Variants in PARD3 observed in about 807,000 individuals in gnomAD.
The protein encoded by PARD3 is par-3 family cell polarity regulator, also known as partitioning defective 3 homolog.
Under a neutral mutation model 155.4 loss-of-function variants are expected in PARD3, and 75 were observed. The observed-to-expected ratio is 0.48, with a 90% CI of 0.40 to 0.58. The LOEUF (loss-of-function observed/expected upper bound fraction) is 0.58, where lower values mean the gene tolerates loss of function less well. Ranked by LOEUF, PARD3 falls within the 20% of genes least tolerant of loss-of-function variation. The pLI, the probability that PARD3 is intolerant of heterozygous loss-of-function variation, is 0.00. For missense variants in PARD3, 1,642 were observed against 1,721.7 expected (o/e 0.95, Z 0.82); for synonymous variants, 576 against 610.5 (o/e 0.94, Z 0.83).
chr10:34,466,352 A>G (rs974942344), intron 4 of PARD3, among the ~76,000 whole-genome samples: 1 of 152,184 alleles, frequency 6.6e-6, no homozygotes, highest in African/African-American at 2.4e-5. Context: ...TATTTCAACA[A>G]GGAAGACTCC....
At chr10:34,525,724 G>GA (rs536628916) in intron 2 of PARD3, among the ~76,000 whole-genome samples, 149 of 147,250 alleles carry the variant, frequency 1.0e-3, no homozygotes, top group African/African-American at 2.6e-3. Flanking sequence ...TTGCTTAAAA[G>GA]AAAAAAAAAA....
chr10:34,359,723 G>A (rs1839254215), intron 13 of PARD3, among the ~76,000 whole-genome samples: 1 of 152,162 alleles, frequency 6.6e-6, no homozygotes, highest in Non-Finnish European at 1.5e-5. Context: ...TCTCTAGGCT[G>A]AGAAATAGAG....
At chr10:34,690,776 T>C (rs1475516933) in intron 2 of PARD3, among the ~76,000 whole-genome samples, 1 of 152,030 alleles carries the variant, frequency 6.6e-6, no homozygotes, top group Non-Finnish European at 1.5e-5. Flanking sequence ...AAAGGAAACG[T>C]GGTGGAGAAA....
chr10:34,255,102 T>C (rs748728025), intron 22 of PARD3, among the ~76,000 whole-genome samples: 1 of 152,138 alleles, frequency 6.6e-6, no homozygotes, highest in Non-Finnish European at 1.5e-5. Flanking sequence ...CAAATTCTGT[T>C]GCAACCAAAT....
chr10:34,250,606 G>A (rs1954249183), intron 22 of PARD3, among the ~76,000 whole-genome samples: 1 of 150,346 alleles, frequency 6.7e-6, no homozygotes, highest in African/African-American at 2.5e-5. Flanking sequence ...GACATACTCA[G>A]TAATAAAAGA....
intron 2 of PARD3, among the ~76,000 whole-genome samples, chr10:34,569,057 A>G (rs2086179676): frequency 6.6e-6 from 1 of 152,230 alleles, no homozygotes; most frequent in Non-Finnish European, 1.5e-5. Context: ...ATGCCAGATG[A>G]ACTGTATTTT....
chr10:34,799,970 T>G (rs1481858032), intron 1 of PARD3, among the ~76,000 whole-genome samples: 3 of 151,300 alleles, frequency 2.0e-5, no homozygotes, highest in Non-Finnish European at 4.4e-5. Context: ...TCTACAAACA[T>G]AAAAATAAAT....
intron 1 of PARD3, among the ~76,000 whole-genome samples, chr10:34,716,591 T>C (rs1445752328): frequency 3.6e-5 from 5 of 139,392 alleles, no homozygotes; most frequent in East Asian, 2.1e-4. Flanking sequence ...TTTTCTTTTT[T>C]TTTTTTTTTT....
intron 21 of PARD3, among the ~76,000 whole-genome samples, chr10:34,280,338 G>T (rs899654622): frequency 6.6e-6 from 1 of 151,802 alleles, no homozygotes; most frequent in African/African-American, 2.4e-5. Flanking sequence ...TACTTTATAG[G>T]AAAAAAAATG....
At chr10:34,514,349 T>A (rs2081577271) in intron 3 of PARD3, among the ~76,000 whole-genome samples, 1 of 152,218 alleles carries the variant, frequency 6.6e-6, no homozygotes, top group Non-Finnish European at 1.5e-5. Context: ...TACTACTAAC[T>A]ATAGCTCCTT....
chr10:34,451,915 A>G (rs1406221544), intron 4 of PARD3, among the ~76,000 whole-genome samples: 1 of 152,118 alleles, frequency 6.6e-6, no homozygotes, highest in Admixed American at 6.5e-5. Context: ...AAAAAAGGAA[A>G]GGAAATACCG....
chr10:34,666,781 A>ATC (rs1564481329), intron 2 of PARD3, among the ~76,000 whole-genome samples: 32 of 87,348 alleles, frequency 3.7e-4, no homozygotes, highest in African/African-American at 1.9e-3. Context: ...TCCCCCTAAA[A>ATC]AAAAAAAAAA....
chr10:34,154,730 C>T (rs1948926212), intron 22 of PARD3, among the ~76,000 whole-genome samples: 1 of 152,212 alleles, frequency 6.6e-6, no homozygotes, highest in East Asian at 1.9e-4. Flanking sequence ...TGCATCCATC[C>T]CTTCCCCTCC....
intron 3 of PARD3, among the ~76,000 whole-genome samples, chr10:34,479,412 C>T (rs1050162988): frequency 2.0e-5 from 3 of 152,048 alleles, no homozygotes; most frequent in Non-Finnish European, 2.9e-5. Context: ...CCGCCCACCT[C>T]GGCCTCCCAA....
intron 1 of PARD3, among the ~76,000 whole-genome samples, chr10:34,724,717 G>A (rs2133761682): frequency 6.6e-6 from 1 of 152,306 alleles, no homozygotes; most frequent in African/African-American, 2.4e-5. Context: ...CAAAGGCAGG[G>A]GTGTAGAGGT....
At position 34,351,049 on chromosome 10, in the gene PARD3, C is replaced by G. The variant is rs181721447; in HGVS notation, c.2068-2934G>C. ...ATAATGAAAATTCATGTGAATTTAT[C>G]TGTGGGGTTTAATAAAATCTCCGTT... On this transcript the variant is annotated intron_variant, in intron 14 of 24. Coordinates refer to ENST00000374788, the MANE Select transcript of PARD3 (RefSeq NM_001184785.2). Among the ~76,000 whole-genome samples the G allele has an allele frequency of 3.3e-5, 5 of 152,302 alleles. No individual in the cohort carries two copies. In the East Asian group the frequency reaches 7.7e-4, roughly 23 times the overall value.
intron 20 of PARD3, among the ~76,000 whole-genome samples, chr10:34,287,844 C>T (rs147298185): frequency 1.9e-4 from 29 of 152,298 alleles, no homozygotes; most frequent in African/African-American, 6.3e-4. Flanking sequence ...TCCTAGACCA[C>T]CCCCTAATCA....
chr10:34,135,009 C>A (rs546662835), intron 22 of PARD3, among the ~76,000 whole-genome samples: 3 of 152,278 alleles, frequency 2.0e-5, no homozygotes, highest in African/African-American at 7.2e-5. Flanking sequence ...ACATCCTAAT[C>A]AACTTATATT....
At chr10:34,261,033 C>G (rs1349002534) in intron 22 of PARD3, among the ~76,000 whole-genome samples, 1 of 152,080 alleles carries the variant, frequency 6.6e-6, no homozygotes, top group East Asian at 1.9e-4. Flanking sequence ...ATTTATGTTT[C>G]CATTAAGGTG....
Sources: gnomAD v4.1 joint callset for allele counts (sites outside exome capture counted in the v4.1 genomes callset) on GRCh38, gnomAD v4.1.1 for gene constraint, MANE v1.5 for transcripts, NCBI Gene and HGNC (gene_info 2026-07-23, HGNC 2026-07-21) for gene names.